Variants in LRRC4C observed in about 807,000 individuals in gnomAD.
LRRC4C encodes leucine rich repeat containing 4C.
Under a neutral mutation model 33.6 loss-of-function variants are expected in LRRC4C, and 5 were observed. The observed-to-expected ratio is 0.15, with a 90% CI of 0.08 to 0.31. The LOEUF is 0.31. LRRC4C is among the 10% of genes least tolerant of loss of function. The pLI is 1.00. For synonymous variants in LRRC4C, 329 were observed against 302.0 expected (o/e 1.09, Z -0.93); for missense variants, 560 against 796.7 (o/e 0.70, Z 3.58).
At chr11:40,633,671 T>A (rs2136039818) in intron 3 of LRRC4C, among the ~76,000 whole-genome samples, 1 of 152,162 alleles carries the variant, frequency 6.6e-6, no homozygotes, top group South Asian at 2.1e-4. Context: ...ATTACAGAGG[T>A]AAGCCACCGT....
At chr11:40,354,362 C>T (rs1377336300) in intron 3 of LRRC4C, among the ~76,000 whole-genome samples, 1 of 152,120 alleles carries the variant, frequency 6.6e-6, no homozygotes, top group Non-Finnish European at 1.5e-5. Flanking sequence ...CACTCATGTC[C>T]AAGAGCTCTT....
intron 1 of LRRC4C, among the ~76,000 whole-genome samples, chr11:41,185,397 T>C (rs1565460412): frequency 6.6e-6 from 1 of 152,176 alleles, no homozygotes; most frequent in Non-Finnish European, 1.5e-5. Flanking sequence ...ACAAAGTACA[T>C]ATCTCCAAAG....
intron 3 of LRRC4C, among the ~76,000 whole-genome samples, chr11:40,367,393 T>G (rs896148556): frequency 3.3e-5 from 5 of 152,114 alleles, no homozygotes; most frequent in African/African-American, 1.2e-4. Flanking sequence ...ACTTACAGAT[T>G]ACACAAGAAA....
intron 5 of LRRC4C, among the ~76,000 whole-genome samples, chr11:40,222,982 T>A (rs565056870): frequency 7.9e-4 from 112 of 142,352 alleles, no homozygotes; most frequent in Non-Finnish European, 1.2e-3. Flanking sequence ...TCAGGAACAG[T>A]GAGCGGTCTC....
chr11:40,156,082 C>T (rs560174830), intron 5 of LRRC4C, among the ~76,000 whole-genome samples: 1 of 152,198 alleles, frequency 6.6e-6, no homozygotes, highest in East Asian at 1.9e-4. Context: ...ACCACATAAA[C>T]AGGATTAAAC....
chr11:41,219,276 G>A (rs935079859), intron 1 of LRRC4C, among the ~76,000 whole-genome samples: 1 of 152,164 alleles, frequency 6.6e-6, no homozygotes, highest in South Asian at 2.1e-4. Context: ...AAAGAGAGTT[G>A]CTATGTGCAG....
intron 1 of LRRC4C, among the ~76,000 whole-genome samples, chr11:41,214,019 C>A (rs1273471289): frequency 6.6e-6 from 1 of 152,142 alleles, no homozygotes; most frequent in Non-Finnish European, 1.5e-5. Context: ...ACACATGAAG[C>A]TTTTGAACTA....
chr11:40,179,767 G>A (rs4756580), intron 5 of LRRC4C, among the ~76,000 whole-genome samples: 135,386 of 152,206 alleles, frequency 0.89, 60,762 homozygotes, highest in Non-Finnish European at 0.96. Context: ...TAAAACTAAA[G>A]CATACAACCT....
chr11:40,764,207 G>C (rs1328967737), intron 2 of LRRC4C, among the ~76,000 whole-genome samples: 1 of 152,138 alleles, frequency 6.6e-6, no homozygotes, highest in African/African-American at 2.4e-5. Flanking sequence ...TAGACAAACT[G>C]TGGGACAGAA....
At chr11:40,445,917 G>T (rs995071090) in intron 3 of LRRC4C, 9 of 152,190 alleles carry the variant, frequency 5.9e-5, no homozygotes, top group African/African-American at 2.2e-4. Context: ...TACATTCATA[G>T]AATTTTTCGA....
intron 2 of LRRC4C, among the ~76,000 whole-genome samples, chr11:40,811,712 G>C (rs1377737136): frequency 6.6e-6 from 1 of 152,084 alleles, no homozygotes; most frequent in Non-Finnish European, 1.5e-5. Context: ...GCCCAAGCTG[G>C]TCTCAAACTC....
chr11:40,407,076 T>A (rs1307426800), intron 3 of LRRC4C, among the ~76,000 whole-genome samples: 1 of 152,150 alleles, frequency 6.6e-6, no homozygotes, highest in African/African-American at 2.4e-5. Context: ...GGATTAGGGT[T>A]GTTTTGCAAA....
chr11:40,233,226 G>A (rs1206795080), intron 5 of LRRC4C, among the ~76,000 whole-genome samples: 2 of 152,080 alleles, frequency 1.3e-5, no homozygotes, highest in Non-Finnish European at 2.9e-5. Context: ...CCTTATGAAG[G>A]CCTATCTTGT....
At chr11:40,777,558 C>T (rs1485365590) in intron 2 of LRRC4C, among the ~76,000 whole-genome samples, 1 of 148,110 alleles carries the variant, frequency 6.8e-6, no homozygotes, top group Non-Finnish European at 1.5e-5. Flanking sequence ...AGAATAGTGG[C>T]CCTTCCTCTT....
At chr11:40,586,775 A>G (rs1230162523) in intron 3 of LRRC4C, among the ~76,000 whole-genome samples, 1 of 151,874 alleles carries the variant, frequency 6.6e-6, no homozygotes, top group East Asian at 1.9e-4. Flanking sequence ...GTCAAAGATC[A>G]GATAGTTGTA....
chr11:40,201,877 G>T (rs763760972), intron 5 of LRRC4C, among the ~76,000 whole-genome samples: 1 of 152,056 alleles, frequency 6.6e-6, no homozygotes, highest in African/African-American at 2.4e-5. Flanking sequence ...ATGCCACCTC[G>T]CATGGCCCTC....
chr11:40,276,433 T>C (rs191995743), intron 4 of LRRC4C, among the ~76,000 whole-genome samples: 1 of 152,300 alleles, frequency 6.6e-6, no homozygotes, highest in East Asian at 1.9e-4. Flanking sequence ...ACAACTGATA[T>C]TAAAGCTACG....
chr11:40,436,021 A>G (rs924897712), intron 3 of LRRC4C, among the ~76,000 whole-genome samples: 18 of 152,080 alleles, frequency 1.2e-4, no homozygotes, highest in African/African-American at 3.6e-4. Context: ...TTTTTCCTCT[A>G]CTTAATTAAG....
intron 3 of LRRC4C, among the ~76,000 whole-genome samples, chr11:40,630,330 C>CTCCTCTTCTTCTTCT (rs1963348440): frequency 7.4e-6 from 1 of 135,536 alleles, no homozygotes; most frequent in African/African-American, 2.8e-5. Flanking sequence ...TTTCTTCTTC[C>CTCCTCTTCTTCTTCT]TCTTCTTCTT....
Sources: gnomAD v4.1 joint callset for allele counts (sites outside exome capture counted in the v4.1 genomes callset) on GRCh38, gnomAD v4.1.1 for gene constraint, MANE v1.5 for transcripts, NCBI Gene and HGNC (gene_info 2026-07-23, HGNC 2026-07-21) for gene names.